Variants in ARMH3 observed in about 807,000 individuals in gnomAD.
ARMH3 encodes the protein armadillo like helical domain containing 3, also known as armadillo-like helical domain-containing protein 3.
In ARMH3, 60 loss-of-function variants were observed where a neutral mutation model predicts 99.1. The ratio of observed to expected loss-of-function variants is 0.61; its 90% confidence interval spans 0.49 to 0.75. ARMH3 has a LOEUF of 0.75. ARMH3 is among the 30% of genes least tolerant of loss of function. The probability of loss-of-function intolerance (pLI) is 0.00; values close to 1 mark genes in which losing one functional copy is unlikely to be tolerated. For synonymous variants in ARMH3, 285 were observed against 292.8 expected, an observed-to-expected ratio of 0.97 and a Z score of 0.27; for missense variants, 679 against 843.1, an observed-to-expected ratio of 0.81 and a Z score of 2.41.
At chr10:102,044,837 A>G (rs1195525865) in intron 1 of ARMH3, among the ~76,000 whole-genome samples, 2 of 152,136 alleles carry the variant, frequency 1.3e-5, no homozygotes, top group Non-Finnish European at 2.9e-5. Flanking sequence ...AGGAAAATGA[A>G]TAAAAGTAAA....
chr10:101,877,729 T>C (rs1158958821), intron 24 of ARMH3, among the ~76,000 whole-genome samples: 2 of 152,132 alleles, frequency 1.3e-5, no homozygotes, highest in Non-Finnish European at 2.9e-5. Flanking sequence ...TTCCCTTCTA[T>C]GCACTGCCAA....
intron 20 of ARMH3, among the ~76,000 whole-genome samples, chr10:101,973,870 C>T (rs1392169916): frequency 6.6e-6 from 1 of 152,194 alleles, no homozygotes; most frequent in East Asian, 1.9e-4. Flanking sequence ...AATCCAACAA[C>T]TATACCAACA....
chr10:102,051,193 G>A (rs2067695375), intron 1 of ARMH3, among the ~76,000 whole-genome samples: 1 of 149,588 alleles, frequency 6.7e-6, no homozygotes, highest in Admixed American at 6.7e-5. Flanking sequence ...GAAAAGTCAA[G>A]TGGGCGCAGT....
At chr10:101,881,246 T>C (rs2067408510) in intron 24 of ARMH3, among the ~76,000 whole-genome samples, 1 of 152,146 alleles carries the variant, frequency 6.6e-6, no homozygotes, top group Admixed American at 6.5e-5. Flanking sequence ...CTGTGACATA[T>C]GAGGGTACCA....
At chr10:101,848,572 T>C (rs2066513097) in intron 25 of ARMH3, among the ~76,000 whole-genome samples, 2 of 152,256 alleles carry the variant, frequency 1.3e-5, no homozygotes, top group South Asian at 2.1e-4. Flanking sequence ...TATAGGAAAC[T>C]TAATGAAGTC....
At chr10:101,982,042 A>AC in intron 19 of ARMH3, among the ~76,000 whole-genome samples, 1 of 150,542 alleles carries the variant, frequency 6.6e-6, no homozygotes, top group African/African-American at 2.4e-5. Context: ...AAAAAAAAAA[A>AC]AACAAAGACT....
chr10:102,033,238 C>T (rs1212102847), intron 3 of ARMH3, 45 bp downstream of exon 3: 1 of 1,613,102 alleles, frequency 6.2e-7, no homozygotes, highest in East Asian at 2.2e-5. Context: ...TATGAGAAGG[C>T]AATTTTAGTT....
At chr10:101,948,088 G>T (rs1844630107) in intron 22 of ARMH3, among the ~76,000 whole-genome samples, 2 of 152,122 alleles carry the variant, frequency 1.3e-5, no homozygotes, top group South Asian at 2.1e-4. Flanking sequence ...AGAACTGAAA[G>T]AAACTATATT....
At chr10:102,020,497 A>G (rs1363308536) in intron 8 of ARMH3, among the ~76,000 whole-genome samples, 3 of 152,204 alleles carry the variant, frequency 2.0e-5, no homozygotes, top group East Asian at 3.9e-4. Flanking sequence ...CACCCTAGCT[A>G]ACACGGTGAA....
intron 24 of ARMH3, among the ~76,000 whole-genome samples, chr10:101,857,091 T>C (rs933956675): frequency 1.4e-4 from 21 of 152,244 alleles, no homozygotes; most frequent in African/African-American, 5.1e-4. Flanking sequence ...CTCCCCACAC[T>C]ACCTTTCTAA....
At chr10:102,014,451 T>C (rs2066699470) in intron 8 of ARMH3, among the ~76,000 whole-genome samples, 1 of 152,230 alleles carries the variant, frequency 6.6e-6, no homozygotes, top group African/African-American at 2.4e-5. Flanking sequence ...AAGGCACATA[T>C]TTATAAGTTG....
chr10:102,052,751 A>AT (rs540900638), intron 1 of ARMH3, among the ~76,000 whole-genome samples: 4 of 151,414 alleles, frequency 2.6e-5, no homozygotes, highest in South Asian at 2.1e-4. Flanking sequence ...TAAAATAAAC[A>AT]TTTTTTTTTC....
At chr10:102,053,808 G>A (rs1208459272) in intron 1 of ARMH3, among the ~76,000 whole-genome samples, 3 of 151,796 alleles carry the variant, frequency 2.0e-5, no homozygotes, top group South Asian at 2.1e-4. Context: ...ACAGGCGCCC[G>A]CCACCACACC....
intron 1 of ARMH3, among the ~76,000 whole-genome samples, chr10:102,053,213 C>CAA (rs2067749515): frequency 1.3e-5 from 1 of 74,550 alleles, no homozygotes; most frequent in Non-Finnish European, 2.7e-5. Context: ...TCCTCAGAAG[C>CAA]TAAAAAAAAA....
chr10:101,939,826 C>A, intron 23 of ARMH3, 37 bp downstream of exon 23: 1 of 1,565,958 alleles, frequency 6.4e-7, no homozygotes, highest in Non-Finnish European at 8.8e-7. Flanking sequence ...TCAGGAAGAG[C>A]CAAGGAACTC....
intron 1 of ARMH3, among the ~76,000 whole-genome samples, chr10:102,040,773 C>T (rs2067390997): frequency 6.6e-6 from 1 of 152,144 alleles, no homozygotes; most frequent in Admixed American, 6.6e-5. Flanking sequence ...GGCAGCAAAG[C>T]ACACACTGCC....
chr10:102,020,951 G>A (rs191928443), intron 8 of ARMH3, among the ~76,000 whole-genome samples: 1 of 151,876 alleles, frequency 6.6e-6, no homozygotes, highest in Admixed American at 6.6e-5. Flanking sequence ...TTCCAGTCCT[G>A]CAAGCTCCAT....
At chr10:101,885,279 A>C (rs573933873) in intron 24 of ARMH3, among the ~76,000 whole-genome samples, 1 of 152,348 alleles carries the variant, frequency 6.6e-6, no homozygotes, top group South Asian at 2.1e-4. Context: ...TCCACTTCTG[A>C]GTATATACAC....
At chr10:101,968,049 A>C (rs960398649) in intron 20 of ARMH3, among the ~76,000 whole-genome samples, 1 of 152,186 alleles carries the variant, frequency 6.6e-6, no homozygotes, top group Admixed American at 6.5e-5. Flanking sequence ...GCTAAAAAAA[A>C]AAAATAAATA....
Sources: gnomAD v4.1 joint callset for allele counts (sites outside exome capture counted in the v4.1 genomes callset) on GRCh38, gnomAD v4.1.1 for gene constraint, MANE v1.5 for transcripts, NCBI Gene and HGNC (gene_info 2026-07-23, HGNC 2026-07-21) for gene names.